The following LUC7L2 variants were observed in gnomAD, a reference collection of about 807,000 sequenced individuals.
The protein encoded by LUC7L2 is LUC7 like 2, pre-mRNA splicing factor.
In LUC7L2, 25 loss-of-function variants were observed where a neutral mutation model predicts 52.8. That is an observed-to-expected ratio of 0.47 (90% CI 0.34 to 0.66). The LOEUF (loss-of-function observed/expected upper bound fraction) is 0.66, where lower values mean the gene tolerates loss of function less well. Among genes scored for constraint, LUC7L2 ranks in the 30% least tolerant of loss-of-function variants. LUC7L2 has a pLI of 0.01. For synonymous variants in LUC7L2, 144 were observed against 160.9 expected (o/e 0.89, Z 0.80); for missense variants, 328 against 497.8 (o/e 0.66, Z 3.25).
chr7:139,341,367 TC>T, intron 1 of LUC7L2: 1 of 1,597,452 alleles, frequency 6.3e-7, no homozygotes, highest in Non-Finnish European at 8.6e-7. Context: ...GGCACCACGC[TC>T]GGAGAAGGAC....
intron 2 of LUC7L2, among the ~76,000 whole-genome samples, chr7:139,380,390 G>A (rs1424384406): frequency 1.3e-5 from 2 of 152,098 alleles, no homozygotes; most frequent in South Asian, 2.1e-4. Flanking sequence ...CCAAGGTCAG[G>A]AGTTCGAGAC....
intron 8 of LUC7L2, 34 bp downstream of exon 8, chr7:139,412,614 G>A: frequency 6.4e-7 from 1 of 1,568,680 alleles, no homozygotes; most frequent in African/African-American, 1.4e-5. Flanking sequence ...TATAAGTAGT[G>A]AAGTTGTCTT....
At chr7:139,389,894 C>T (rs1184009600) in intron 2 of LUC7L2, among the ~76,000 whole-genome samples, 2 of 152,134 alleles carry the variant, frequency 1.3e-5, no homozygotes, top group South Asian at 2.1e-4. Flanking sequence ...TTGATCTGAA[C>T]AGCAATCCTG....
At chr7:139,416,452 T>C (rs551907822) in intron 8 of LUC7L2, 1 of 152,038 alleles carries the variant, frequency 6.6e-6, no homozygotes, top group African/African-American at 2.4e-5. Context: ...TAGAAATACA[T>C]TTTTTTTGCA....
chr7:139,422,095 A>G, intron 9 of LUC7L2, 68 bp from the exon 10 acceptor site: 4 of 1,526,044 alleles, frequency 2.6e-6, no homozygotes, highest in Non-Finnish European at 3.5e-6. Context: ...CTTAATATTT[A>G]TCCTATTCTT....
chr7:139,399,449 ATTTTTTTTTTTTTTTTT>A lies in LUC7L2; in HGVS notation c.255+774_255+790del, dbSNP rs71169090. On this transcript the variant is annotated intron_variant, in intron 3 of 9. Transcript: ENST00000354926. The stretch of plus-strand genomic sequence containing the variant: ...GGACATGCATATGGGTGTTTGGGGG[ATTTTTTTTTTTTTTTTT>A]TTTTTTTTTTTTTTTTTTTTTGAGA... Among the ~76,000 whole-genome samples, 37 of 50,458 alleles carry A rather than the reference ATTTTTTTTTTTTTTTTT, an allele frequency of 7.3e-4. 1 individual carries two copies. Among genetic ancestry groups the A allele is most frequent in the East Asian group, 2.4e-3 (3 of 1,260 alleles). The allele number at this position is 50,458 out of a possible 152,430, so 33.1% of individuals were successfully genotyped here.
intron 3 of LUC7L2, among the ~76,000 whole-genome samples, chr7:139,400,392 C>G (rs1360501040): frequency 6.6e-6 from 1 of 152,044 alleles, no homozygotes; most frequent in East Asian, 1.9e-4. Flanking sequence ...GCCTGTAATC[C>G]CAGCTACTCA....
chr7:139,374,397 A>G (rs1447267338), intron 1 of LUC7L2: 1 of 1,550,008 alleles, frequency 6.5e-7, no homozygotes, highest in Non-Finnish European at 8.7e-7. Flanking sequence ...TTTTATTTGT[A>G]AAGGTTCAAT....
intron 1 of LUC7L2, among the ~76,000 whole-genome samples, chr7:139,361,791 G>A (rs559181061): frequency 1.6e-4 from 24 of 152,278 alleles, no homozygotes; most frequent in Admixed American, 7.2e-4. Flanking sequence ...TATTGGGAAC[G>A]GGTTTCATTG....
chr7:139,409,622 G>A lies in LUC7L2; in HGVS notation c.747G>A (p.Glu249=), dbSNP rs775511694. ...AGGAACGGCTGAAACGAAGAGAAGAGAGAGAGAGAGAAGAAAGGGAGAAGC... is the reference window on the plus strand; with the variant it reads ...AGGAACGGCTGAAACGAAGAGAAGAAAGAGAGAGAGAAGAAAGGGAGAAGC... ...RNQERLKRRE[E]REREEREKLR... The change falls in exon 7 of 10, where the codon GAG becomes GAA. Residue 249 remains glutamate (E), a synonymous_variant. Coordinates refer to ENST00000354926, the MANE Select transcript of LUC7L2 (RefSeq NM_016019.5). The A allele has an allele frequency of 2.5e-6, 4 of 1,600,614 alleles. No homozygotes were observed. Among genetic ancestry groups the A allele is most frequent in the Admixed American group, 3.4e-5 (2 of 59,420 alleles).
intron 8 of LUC7L2, among the ~76,000 whole-genome samples, chr7:139,414,139 C>A (rs1220699304): frequency 4.6e-5 from 7 of 152,208 alleles, no homozygotes; most frequent in African/African-American, 1.7e-4. Flanking sequence ...GCCCACCCCC[C>A]TTCTTCACCT....
rs1795977933 is a variant in LUC7L2 at position 139,423,405 on chromosome 7, GT to G, written c.*1070del. On this transcript the variant is annotated 3_prime_UTR_variant, in exon 10 of 10. Coordinates refer to ENST00000354926, the MANE Select transcript of LUC7L2 (RefSeq NM_016019.5). ...CTCGACCTGCAGAAGAAACTGGGGT[GT>G]TTTTATTCTCATTCAACAAACCCAA... 1 of 398,968 alleles carries G rather than the reference GT, an allele frequency of 2.5e-6. No homozygotes were observed. The highest frequency in any genetic ancestry group is 4.4e-6 in the Non-Finnish European group (1 of 226,046). 24.7% of individuals were successfully genotyped at this position (398,968 alleles called of 1,614,324 possible). A position where few individuals can be genotyped will look rare whatever the true frequency, so the allele number is the denominator to read the frequency against.
At position 139,350,222 on chromosome 7, in the gene LUC7L2, C is replaced by T. The variant is rs373347343; in HGVS notation, c.-26+9705C>T. The stretch of plus-strand genomic sequence containing the variant: ...CTGCAAGCTCCGCCTCCCGGGTTCA[C>T]GCCATTCTCCTGCCTCAGCCTCCTG... On this transcript the variant is annotated intron_variant, in intron 1 of 10. Coordinates refer to the LUC7L2 transcript ENST00000541170. Among the ~76,000 whole-genome samples, 140 of 151,992 alleles carry T rather than the reference C, an allele frequency of 9.2e-4. 1 individual carries two copies. The South Asian group carries it at 0.026, about 28-fold the overall frequency.
intron 1 of LUC7L2, 116 bp downstream of exon 1, chr7:139,360,438 G>T: frequency 1.1e-6 from 1 of 875,946 alleles, no homozygotes; most frequent in Non-Finnish European, 1.7e-6. Flanking sequence ...TCCCAGATTG[G>T]TAACACGAGG....
At position 139,417,584 on chromosome 7, in the gene LUC7L2, C is replaced by T. The variant is rs779061798; in HGVS notation, c.856C>T (p.Arg286Cys). 2.5e-6 allele frequency: 4 copies of T among 1,613,978 alleles called. No individual in the cohort carries two copies. Among genetic ancestry groups the T allele is most frequent in the South Asian group, 1.1e-5 (1 of 91,078 alleles). ...CAGACATCGATCTCGCTCCATGTCACGTGAACGCAAGAGGAGAACTCGATC... is the reference window on the plus strand; with the variant it reads ...CAGACATCGATCTCGCTCCATGTCATGTGAACGCAAGAGGAGAACTCGATC... ...HRRHRSRSMS[R>C]ERKRRTRSKS... Residue 286 changes from arginine to cysteine, a missense_variant, in exon 9 of 10, where the codon CGT (arginine) becomes TGT (cysteine). By Grantham distance (180) the Arg-to-Cys change is radical. Transcript: ENST00000354926.
At chr7:139,370,024 A>G (rs1482745683) in intron 1 of LUC7L2, among the ~76,000 whole-genome samples, 3 of 152,240 alleles carry the variant, frequency 2.0e-5, no homozygotes, top group Admixed American at 6.5e-5. Flanking sequence ...CATCTTTGGC[A>G]TAGTACTCTT....
intron 1 of LUC7L2, chr7:139,371,488 A>G (rs1408458833): frequency 4.9e-5 from 76 of 1,549,944 alleles, no homozygotes; most frequent in Non-Finnish European, 6.4e-5. Flanking sequence ...TGATGTTTTT[A>G]AAATAGCACC....
intron 4 of LUC7L2, 42 bp downstream of exon 4, chr7:139,402,289 G>A (rs746523111): frequency 6.7e-6 from 10 of 1,488,110 alleles, no homozygotes; most frequent in Non-Finnish European, 8.9e-6. Context: ...GTATTATTTC[G>A]ACTCCTTTTG....
At chr7:139,390,851 G>A (rs73154159) in intron 2 of LUC7L2, among the ~76,000 whole-genome samples, 2,490 of 152,222 alleles carry the variant, frequency 0.016, 28 homozygotes, top group South Asian at 0.053. Context: ...CCACCATGCC[G>A]GGCCTAGACA....
Sources: allele counts gnomAD v4.1 joint callset (sites outside exome capture counted in the v4.1 genomes callset), GRCh38; gene constraint gnomAD v4.1.1; transcripts MANE v1.5; gene names NCBI Gene and HGNC (gene_info 2026-07-23, HGNC 2026-07-21).